Variants in USP25 observed in about 807,000 individuals in gnomAD.
USP25 encodes the protein ubiquitin specific peptidase 25.
USP25 carries 85 observed loss-of-function variants against 158.5 expected under a neutral mutation model. That is an observed-to-expected ratio of 0.54 (90% confidence interval 0.45 to 0.64). The LOEUF is 0.64. USP25 is among the 30% of genes least tolerant of loss of function. USP25 has a pLI of 0.00. For missense variants in USP25, 1,242 were observed against 1,327.3 expected (o/e 0.94, Z 1.00); for synonymous variants, 464 against 460.4 (o/e 1.01, Z -0.10).
At position 15,766,239 on chromosome 21, in the gene USP25, CA is replaced by C; in HGVS notation, c.268+104del. 9.1e-7 allele frequency: 1 copy of C among 1,097,296 alleles called. No homozygotes were observed. Among genetic ancestry groups the C allele is most frequent in the Non-Finnish European group, 1.2e-6 (1 of 821,242 alleles). The allele number at this position is 1,097,296 out of a possible 1,614,324, so 68.0% of individuals were successfully genotyped here. On this transcript the variant is annotated intron_variant, in intron 3 of 25. Coordinates refer to ENST00000400183, the MANE Select transcript of USP25 (RefSeq NM_001283041.3). This position sits in a 1 kb window ranked among gnomAD's most constrained non-coding sequence, Gnocchi z 4.0. Reference sequence around the variant, plus strand: ...TGTTGCTTAAGGAGAGGTAAAGAACCAAAAAAGAACTCTATTAACCTTGGTT... The same window carrying C: ...TGTTGCTTAAGGAGAGGTAAAGAACCAAAAAGAACTCTATTAACCTTGGTT...
intron 22 of USP25, among the ~76,000 whole-genome samples, chr21:15,868,160 G>T (rs1407478126): frequency 6.6e-6 from 1 of 152,090 alleles, no homozygotes; most frequent in Non-Finnish European, 1.5e-5. Context: ...CATTTCAATT[G>T]TGAAAGACTC....
intron 6 of USP25, 25 bp downstream of exon 6, chr21:15,799,868 G>T (rs2146250249): frequency 6.4e-7 from 1 of 1,554,604 alleles, no homozygotes; most frequent in Non-Finnish European, 8.8e-7. Flanking sequence ...ATTTTTTTAA[G>T]CAGTATATAT....
intron 1 of USP25, among the ~76,000 whole-genome samples, chr21:15,760,148 T>C (rs550475969): frequency 6.6e-6 from 1 of 152,358 alleles, no homozygotes; most frequent in East Asian, 1.9e-4. Flanking sequence ...ACCCAAAAAA[T>C]TCATTTCCCA....
intron 17 of USP25, among the ~76,000 whole-genome samples, chr21:15,834,176 A>T (rs2146403974): frequency 6.6e-6 from 1 of 152,362 alleles, no homozygotes. Context: ...TTCTGAAATG[A>T]ACTATTAGCT....
intron 9 of USP25, among the ~76,000 whole-genome samples, chr21:15,811,588 A>C (rs945834750): frequency 3.9e-5 from 6 of 152,174 alleles, no homozygotes; most frequent in Admixed American, 3.9e-4. Flanking sequence ...TTGAAAGCTG[A>C]ATTTAGCAAC....
At chr21:15,736,664 T>C (rs1216257110) in intron 1 of USP25, among the ~76,000 whole-genome samples, 2 of 151,804 alleles carry the variant, frequency 1.3e-5, no homozygotes, top group African/African-American at 4.8e-5. Flanking sequence ...AATAGCTTTT[T>C]TCGGTAACAT....
intron 6 of USP25, 75 bp from the exon 7 acceptor site, chr21:15,805,046 A>G: frequency 7.0e-7 from 1 of 1,431,914 alleles, no homozygotes; most frequent in Admixed American, 2.8e-5. Flanking sequence ...TTACTGTTAA[A>G]ATGAATATTT....
intron 20 of USP25, among the ~76,000 whole-genome samples, chr21:15,858,951 A>G: frequency 6.6e-6 from 1 of 151,728 alleles, no homozygotes; most frequent in East Asian, 1.9e-4. Flanking sequence ...AAAGGTGTTA[A>G]CTTTGATCTA....
intron 10 of USP25, among the ~76,000 whole-genome samples, chr21:15,820,358 A>G (rs1313300979): frequency 1.3e-5 from 2 of 152,008 alleles, no homozygotes; most frequent in Non-Finnish European, 2.9e-5. Context: ...TTGTTTATTT[A>G]AAATATCTTA....
chr21:15,762,908 G>C lies in USP25; in HGVS notation c.63G>C (p.Leu21Phe), dbSNP rs148656120. Residue 21 changes from leucine to phenylalanine, a missense_variant, in exon 2 of 26, where the codon TTG (leucine) becomes TTC (phenylalanine). Physicochemically the swap from Leu to Phe is conservative, Grantham distance 22. Transcript: ENST00000400183. ...SAAQKHQQTF[L>F]NQLREITGIN... Reference sequence around the variant, plus strand: ...CCCTCTAGCACCAGCAGACGTTTTTGAATCAACTGAGAGAAATTACGGGGA... The same window carrying C: ...CCCTCTAGCACCAGCAGACGTTTTTCAATCAACTGAGAGAAATTACGGGGA... 2 of 1,612,512 alleles carry C rather than the reference G, an allele frequency of 1.2e-6. No homozygotes were observed. The highest frequency in any genetic ancestry group is 1.7e-6 in the Non-Finnish European group (2 of 1,179,112).
intron 3 of USP25, among the ~76,000 whole-genome samples, chr21:15,767,602 G>A (rs568209450): frequency 1.3e-5 from 2 of 152,126 alleles, no homozygotes; most frequent in East Asian, 1.9e-4. Context: ...TGGTATAAAG[G>A]TCAGAAAAAT....
intron 1 of USP25, among the ~76,000 whole-genome samples, chr21:15,742,260 G>T (rs2032131474): frequency 6.6e-6 from 1 of 152,144 alleles, no homozygotes; most frequent in South Asian, 2.1e-4. Context: ...TAGGTCATCA[G>T]GGCAGAATTG....
chr21:15,866,484 G>A (rs917030284), intron 22 of USP25, 140 bp downstream of exon 22: 2 of 457,916 alleles, frequency 4.4e-6, no homozygotes, highest in Admixed American at 4.3e-5. Context: ...CAATGCTCAA[G>A]TAATTAATAA....
intron 23 of USP25, among the ~76,000 whole-genome samples, chr21:15,872,475 G>C (rs532457414): frequency 6.6e-6 from 1 of 152,236 alleles, no homozygotes; most frequent in African/African-American, 2.4e-5. Flanking sequence ...TTCTTAACAG[G>C]AAACTCAGTA....
At chr21:15,775,074 T>A (rs549872271) in intron 3 of USP25, among the ~76,000 whole-genome samples, 1 of 152,360 alleles carries the variant, frequency 6.6e-6, no homozygotes, top group Admixed American at 6.5e-5. Flanking sequence ...GTTAGAAGAC[T>A]TAAATTTTGA....
intron 1 of USP25, among the ~76,000 whole-genome samples, chr21:15,762,047 A>T (rs184704842): frequency 2.4e-3 from 359 of 152,158 alleles, no homozygotes; most frequent in African/African-American, 8.3e-3. Flanking sequence ...TCTGTTCCTG[A>T]TCAAACTTTC....
intron 1 of USP25, among the ~76,000 whole-genome samples, chr21:15,762,341 A>G (rs1209583503): frequency 2.6e-5 from 4 of 152,090 alleles, no homozygotes; most frequent in Non-Finnish European, 2.9e-5. Context: ...CTTCCAGTAC[A>G]ATGCAGTCAA....
chr21:15,774,693 A>C (rs1600868035), intron 3 of USP25, among the ~76,000 whole-genome samples: 1 of 152,348 alleles, frequency 6.6e-6, no homozygotes, highest in East Asian at 1.9e-4. Context: ...TGTTAGAATT[A>C]AACATAAATC....
rs189625585 is a variant in USP25, at chr21:15,796,061, G to A, written c.556-3696G>A. ...AAGAATCTAACCAAACTTCATTTTC[G>A]TAAGTGCTTTTCAAAATTCACATAT... On this transcript the variant is annotated intron_variant, in intron 5 of 25. Coordinates refer to ENST00000400183, the MANE Select transcript of USP25 (RefSeq NM_001283041.3). 4.6e-5 allele frequency among the ~76,000 whole-genome samples: 7 copies of A among 151,426 alleles called. No homozygotes were observed. The East Asian group carries it at 7.8e-4, about 17-fold the overall frequency.
Sources: gnomAD v4.1 joint callset for allele counts (sites outside exome capture counted in the v4.1 genomes callset) on GRCh38, gnomAD v4.1.1 for gene constraint, Gnocchi (gnomAD v3.1) non-coding constraint, MANE v1.5 for transcripts, NCBI Gene and HGNC (gene_info 2026-07-23, HGNC 2026-07-21) for gene names.